TCF25: variants seen among roughly 807,000 people sequenced by gnomAD.
TCF25 encodes ribosome quality control complex subunit TCF25.
A neutral mutation model predicts 83.1 loss-of-function variants in TCF25; 41 were observed. The ratio of observed to expected loss-of-function variants is 0.49; its 90% CI spans 0.38 to 0.64. TCF25 has a LOEUF of 0.64. Among genes scored for constraint, TCF25 ranks in the 30% least tolerant of loss-of-function variants. The pLI is 0.00. For synonymous variants in TCF25, 458 were observed against 365.0 expected (o/e 1.25, Z -2.90); for missense variants, 979 against 914.5 (o/e 1.07, Z -0.91).
In TCF25 at chr16:89,904,785, C is replaced by T. The variant is rs368410564; in HGVS notation, c.1470-153C>T. ...CACATACCTGTGTGCCCCAGCCCCA[C>T]GCCCTCAGGCCAGCAGCCCAGGGGC... On this transcript the variant is annotated intron_variant, in intron 13 of 17. Transcript: ENST00000263346. The T allele has an allele frequency of 3.1e-5, 28 of 897,434 alleles. 1 individual carries two copies. The highest frequency in any genetic ancestry group is 6.0e-5 in the Admixed American group (3 of 50,124). The allele number at this position is 897,434 out of a possible 1,614,324, so 55.6% of individuals were successfully genotyped here.
At chr16:89,898,893 GC>G (rs1567724793) in intron 11 of TCF25, 21 bp downstream of exon 11, 2 of 1,607,596 alleles carry the variant, frequency 1.2e-6, no homozygotes, top group Admixed American at 1.7e-5. Context: ...GCCTGGTGAG[GC>G]CCCGTGGAGG....
At chr16:89,884,472 G>A (rs557504067) in intron 2 of TCF25, 110 bp from the exon 3 acceptor site, 2 of 1,085,764 alleles carry the variant, frequency 1.8e-6, no homozygotes, top group East Asian at 2.5e-5. Context: ...GGACACGGAG[G>A]GAGAGGTAGG....
In TCF25 at chr16:89,875,713, G is replaced by T. The variant is rs188211401; in HGVS notation, c.192+1854G>T. On this transcript the variant is annotated intron_variant, in intron 1 of 17. Transcript: ENST00000263346. ...AATTTTTTGTATTTTTAGTAGAGATGGGGTTTCACCATGTTAGCCAGGATG... is the reference window on the plus strand; with the variant it reads ...AATTTTTTGTATTTTTAGTAGAGATTGGGTTTCACCATGTTAGCCAGGATG... Among the ~76,000 whole-genome samples the T allele has an allele frequency of 7.3e-5, 11 of 150,658 alleles. No individual in the cohort carries two copies. The East Asian group carries it at 2.1e-3, about 29-fold the overall frequency.
At chr16:89,894,363 GGACGGCCCCCGCGCAGCCCCA>G (rs547627727) in intron 7 of TCF25, among the ~76,000 whole-genome samples, 1 of 149,244 alleles carries the variant, frequency 6.7e-6, no homozygotes, top group African/African-American at 2.5e-5. Context: ...TTGCAGCCCC[GGACGGCCCCCGCGCAGCCCCA>G]GACAGCCCCC....
In TCF25 at chr16:89,904,050, GC is replaced by G. The variant is rs1031660233; in HGVS notation, c.1382-66del. The stretch of plus-strand genomic sequence containing the variant: ...CAAGGACCTCGCTGTGTCCCTTACT[GC>G]CTTGGGGGCTAGGAGTGGCTGGGGT... On this transcript the variant is annotated intron_variant, in intron 12 of 17. Transcript: ENST00000263346. 21 of 1,505,902 alleles carry G rather than the reference GC, an allele frequency of 1.4e-5. No homozygotes were observed. In the African/African-American group the frequency reaches 1.8e-4, roughly 13 times the overall value. The allele number at this position is 1,505,902 out of a possible 1,614,324, so 93.3% of individuals were successfully genotyped here. A position where few individuals can be genotyped will look rare whatever the true frequency, so the allele number is the denominator to read the frequency against.
At chr16:89,873,890 GGGTGGCCCTTGACGTTGTGGGGC>G in intron 1 of TCF25, 31 bp downstream of exon 1, 2 of 1,497,586 alleles carry the variant, frequency 1.3e-6, no homozygotes, top group Non-Finnish European at 1.8e-6. Context: ...GGTGGGGGTG[GGGTGGCCCTTGACGTTGTGGGGC>G]GGGGCGAGCG....
At chr16:89,910,403 G>A in intron 16 of TCF25, 188 bp from the exon 17 acceptor site, 1 of 624,868 alleles carries the variant, frequency 1.6e-6, no homozygotes, top group Non-Finnish European at 2.8e-6. Flanking sequence ...CCCACCCTAA[G>A]CTGATGAGGA....
chr16:89,906,057 AGT>A (rs2044751209), intron 14 of TCF25, 135 bp from the exon 15 acceptor site: 1 of 751,236 alleles, frequency 1.3e-6, no homozygotes, highest in Admixed American at 2.3e-5. Flanking sequence ...TCGAGAGTAA[AGT>A]GTACAGTTTT....
chr16:89,901,414 T>C (rs28672227), intron 12 of TCF25, among the ~76,000 whole-genome samples: 2,213 of 146,282 alleles, frequency 0.015, 71 homozygotes, highest in African/African-American at 0.053. Context: ...GAGCCTCCTC[T>C]GAGGGGCTGT....
intron 11 of TCF25, 28 bp downstream of exon 11, chr16:89,898,900 G>T: frequency 1.3e-6 from 2 of 1,599,226 alleles, no homozygotes; most frequent in Non-Finnish European, 1.7e-6. Context: ...GAGGCCCCGT[G>T]GAGGGACGGA....
intron 15 of TCF25, 127 bp downstream of exon 15, chr16:89,906,411 C>T (rs886486951): frequency 1.2e-5 from 10 of 855,324 alleles, no homozygotes; most frequent in Non-Finnish European, 1.9e-5. Context: ...CCCGCCACGG[C>T]AGGGGCAGGG....
At position 89,893,761 on chromosome 16, in the gene TCF25, G is replaced by T. The variant is rs534153474; in HGVS notation, c.731G>T (p.Gly244Val). 1.2e-6 allele frequency: 2 copies of T among 1,613,896 alleles called. No individual in the cohort carries two copies. The highest frequency in any genetic ancestry group is 1.7e-6 in the Non-Finnish European group (2 of 1,179,994). Reference protein sequence around the residue: ...LSMRLLESKKGLSFFAFEHSE... With the variant: ...LSMRLLESKKVLSFFAFEHSE... The stretch of plus-strand genomic sequence containing the variant: ...ATGCGGCTGCTGGAATCAAAAAAAG[G>T]CCTCTCCTTCTTTGCGTTTGAGCAC... Residue 244 changes from glycine (G) to valine (V), a missense_variant, in exon 7 of 18, where the codon GGC becomes GTC. By Grantham distance (109) the Gly-to-Val change is moderately radical (BLOSUM62 -3). Coordinates refer to ENST00000263346, the MANE Select transcript of TCF25 (RefSeq NM_014972.3).
At chr16:89,897,351 T>G (rs1156239188) in intron 9 of TCF25, among the ~76,000 whole-genome samples, 2 of 152,250 alleles carry the variant, frequency 1.3e-5, no homozygotes, top group African/African-American at 4.8e-5. Flanking sequence ...CAGCCTGTCC[T>G]GTGGGCCCTT....
Position 89,895,018 on chromosome 16 carries a change from G to A in TCF25, c.829-20G>A. 2 of 1,609,130 alleles carry A rather than the reference G, an allele frequency of 1.2e-6. No individual in the cohort carries two copies. The highest frequency in any genetic ancestry group is 1.7e-6 in the Non-Finnish European group (2 of 1,176,716). ...CCTTGCTGAGTGCCTTTCCTCCAGGGCTGTCCTCCCTTCTGGTAGGTTCTG... is the reference window on the plus strand; with the variant it reads ...CCTTGCTGAGTGCCTTTCCTCCAGGACTGTCCTCCCTTCTGGTAGGTTCTG... On this transcript the variant is annotated intron_variant, in intron 7 of 17. Coordinates refer to ENST00000263346, the MANE Select transcript of TCF25 (RefSeq NM_014972.3).
intron 12 of TCF25, among the ~76,000 whole-genome samples, chr16:89,903,633 C>G (rs1407037825): frequency 6.6e-6 from 1 of 152,152 alleles, no homozygotes; most frequent in African/African-American, 2.4e-5. Context: ...TGGTGAAACC[C>G]TGTCTCTACT....
At chr16:89,896,356 C>A (rs1329119062) in intron 9 of TCF25, among the ~76,000 whole-genome samples, 1 of 152,004 alleles carries the variant, frequency 6.6e-6, no homozygotes, top group East Asian at 1.9e-4. Context: ...CCAGCCTGGG[C>A]ACCATAGTGA....
At position 89,893,847 on chromosome 16, in the gene TCF25, A is replaced by G; in HGVS notation, c.817A>G (p.Asn273Asp). 6.2e-7 allele frequency: 1 copy of G among 1,606,898 alleles called. No individual in the cohort carries two copies. The highest frequency in any genetic ancestry group is 2.3e-5 in the East Asian group (1 of 44,342). ...GGTGGCCGTGGAGTCTATGGAGCCG[A>G]ACAACATCGTGGTGCGTGGTCCCTG... is the stretch of plus-strand genomic sequence containing the variant. ...FLVAVESMEP[N>D]NIVVLLQTSP... The change falls in exon 7 of 18, where the codon AAC becomes GAC. Residue 273 changes from asparagine (N) to aspartate (D), a missense_variant. Coordinates refer to ENST00000263346, the MANE Select transcript of TCF25 (RefSeq NM_014972.3).
At chr16:89,901,145 G>T in intron 12 of TCF25, 1 of 210,026 alleles carries the variant, frequency 4.8e-6, no homozygotes, top group Non-Finnish European at 9.9e-6. Flanking sequence ...CCGAGGTGTG[G>T]CCGAGAGGGT....
At chr16:89,895,858 C>G (rs890983717) in intron 8 of TCF25, 132 bp from the exon 9 acceptor site, 9 of 729,418 alleles carry the variant, frequency 1.2e-5, no homozygotes, top group African/African-American at 7.2e-5. Context: ...GGCATGTCTG[C>G]CCTCTCAGTG....
Sources: gnomAD v4.1 joint callset for allele counts (sites outside exome capture counted in the v4.1 genomes callset) on GRCh38, gnomAD v4.1.1 for gene constraint, MANE v1.5 for transcripts, NCBI Gene and HGNC (gene_info 2026-07-23, HGNC 2026-07-21) for gene names.